SOX6: variants seen among roughly 807,000 people sequenced by gnomAD.
The protein encoded by SOX6 is SRY-box transcription factor 6, also known as transcription factor SOX-6.
A neutral mutation model predicts 97.8 loss-of-function variants in SOX6; 11 were observed. The observed-to-expected ratio is 0.11, with a 90% CI of 0.07 to 0.19. The LOEUF is 0.19. Among genes scored for constraint, SOX6 ranks in the 10% least tolerant of loss-of-function variants. SOX6 has a pLI of 1.00. For missense variants in SOX6, 810 were observed against 1,039.5 expected, an observed-to-expected ratio of 0.78 and a Z score of 3.04; for synonymous variants, 360 against 371.4, an observed-to-expected ratio of 0.97 and a Z score of 0.35.
intron 3 of SOX6, among the ~76,000 whole-genome samples, chr11:16,260,944 C>T (rs1169742742): frequency 6.6e-6 from 1 of 152,138 alleles, no homozygotes; most frequent in East Asian, 1.9e-4. Context: ...CTGCTATCTG[C>T]TATATTCCTT....
chr11:16,406,213 C>T (rs1858684476), intron 1 of SOX6, among the ~76,000 whole-genome samples: 1 of 152,014 alleles, frequency 6.6e-6, no homozygotes, highest in East Asian at 1.9e-4. Context: ...GAAATATTGT[C>T]ATTGGAACAA....
At chr11:16,006,315 C>T (rs1418568371) in intron 13 of SOX6, among the ~76,000 whole-genome samples, 1 of 152,030 alleles carries the variant, frequency 6.6e-6, no homozygotes, top group Admixed American at 6.6e-5. Context: ...AAGGTTAATG[C>T]ATATTTATTT....
intron 3 of SOX6, among the ~76,000 whole-genome samples, chr11:16,627,268 G>A (rs1397107094): frequency 1.3e-5 from 2 of 152,180 alleles, no homozygotes; most frequent in Non-Finnish European, 2.9e-5. Context: ...ATTGTGAACA[G>A]TGCTACAGTG....
intron 4 of SOX6, among the ~76,000 whole-genome samples, chr11:16,561,697 G>C (rs73417131): frequency 6.6e-6 from 1 of 151,994 alleles, no homozygotes; most frequent in Non-Finnish European, 1.5e-5. Flanking sequence ...ACTCTTTCAG[G>C]GGTCTAATTT....
chr11:16,275,917 T>G (rs1197214268), intron 3 of SOX6, among the ~76,000 whole-genome samples: 1 of 152,190 alleles, frequency 6.6e-6, no homozygotes, highest in East Asian at 1.9e-4. Context: ...CTGGGAGACT[T>G]TTCTTCTCTT....
intron 12 of SOX6, among the ~76,000 whole-genome samples, chr11:16,032,537 C>T (rs1161071957): frequency 1.3e-5 from 2 of 152,110 alleles, no homozygotes; most frequent in Admixed American, 1.3e-4. Context: ...AATTGTGTAA[C>T]AGATTGACTG....
chr11:16,492,801 T>C (rs1306293245), intron 4 of SOX6, among the ~76,000 whole-genome samples: 2 of 152,116 alleles, frequency 1.3e-5, no homozygotes, highest in Admixed American at 6.5e-5. Flanking sequence ...AGAAATTGAA[T>C]AGAAAAATGG....
intron 15 of SOX6, among the ~76,000 whole-genome samples, chr11:15,974,378 CTTTTT>C (rs35597667): frequency 1.5e-3 from 126 of 85,688 alleles, no homozygotes; most frequent in African/African-American, 6.0e-3. Flanking sequence ...TTAGCTCTCT[CTTTTT>C]TTTTTTTTTT....
In SOX6 at chr11:16,684,512, T is replaced by G. The variant is rs571427068; in HGVS notation, n.429+30318A>C. Reference sequence around the variant, plus strand: ...ACCAAACACTGCATGTTCTCACTCATAGGTGGGAGCTGAACAATAAGAACA... The same window carrying G: ...ACCAAACACTGCATGTTCTCACTCAGAGGTGGGAGCTGAACAATAAGAACA... On this transcript the variant is annotated intron_variant and non_coding_transcript_variant, in intron 3 of 5. Transcript: ENST00000524520. Among the ~76,000 whole-genome samples the G allele has an allele frequency of 5.4e-5, 8 of 146,912 alleles. No individual in the cohort carries two copies. In the South Asian group the frequency reaches 1.7e-3, roughly 31 times the overall value.
chr11:16,687,061 G>A (rs142150609), intron 3 of SOX6, among the ~76,000 whole-genome samples: 84 of 152,318 alleles, frequency 5.5e-4, no homozygotes, highest in Non-Finnish European at 8.5e-4. Flanking sequence ...AGAGGCAGAA[G>A]TTGCAGTGAG....
chr11:16,691,556 C>T (rs950160263), intron 3 of SOX6, among the ~76,000 whole-genome samples: 3 of 152,164 alleles, frequency 2.0e-5, no homozygotes, highest in Middle Eastern at 3.4e-3. Flanking sequence ...CCAGCATTTT[C>T]GAGGCTGATG....
intron 12 of SOX6, among the ~76,000 whole-genome samples, chr11:16,038,352 G>A (rs982291176): frequency 4.6e-5 from 7 of 152,028 alleles, no homozygotes; most frequent in South Asian, 2.1e-4. Context: ...CTCAGATGGA[G>A]ATGTTAGGGC....
intron 3 of SOX6, among the ~76,000 whole-genome samples, chr11:16,640,369 CTCTT>C (rs1848888534): frequency 6.6e-6 from 1 of 152,138 alleles, no homozygotes; most frequent in African/African-American, 2.4e-5. Context: ...GTCTAAAATT[CTCTT>C]TTTTTGTTGT....
intron 4 of SOX6, among the ~76,000 whole-genome samples, chr11:16,221,992 T>C (rs943033924): frequency 6.6e-6 from 1 of 152,102 alleles, no homozygotes; most frequent in Non-Finnish European, 1.5e-5. Context: ...TGGTGAAGTA[T>C]CAAAGAAGAA....
At chr11:16,317,576 T>C (rs1239873659) in intron 3 of SOX6, 3 of 155,296 alleles carry the variant, frequency 1.9e-5, no homozygotes, top group East Asian at 1.9e-4. Context: ...GAAAGACTTC[T>C]ACGAAAATTA....
At chr11:15,981,208 G>A (rs1038229912) in intron 15 of SOX6, among the ~76,000 whole-genome samples, 8 of 152,010 alleles carry the variant, frequency 5.3e-5, no homozygotes, top group Non-Finnish European at 7.4e-5. Flanking sequence ...TAGCTGGCAG[G>A]TATTGGGCTT....
At chr11:16,560,501 TTATA>T (rs1160506623) in intron 4 of SOX6, among the ~76,000 whole-genome samples, 101 of 144,350 alleles carry the variant, frequency 7.0e-4, no homozygotes, top group African/African-American at 2.2e-3. Flanking sequence ...ACATATATGT[TTATA>T]CGTACATATA....
chr11:16,597,238 G>A (rs1381144657), intron 4 of SOX6, among the ~76,000 whole-genome samples: 5 of 151,822 alleles, frequency 3.3e-5, no homozygotes, highest in Non-Finnish European at 7.4e-5. Flanking sequence ...TTCTTGTACT[G>A]ATCATATAAC....
At chr11:16,163,434 CAT>C (rs973813513) in intron 6 of SOX6, among the ~76,000 whole-genome samples, 7 of 152,050 alleles carry the variant, frequency 4.6e-5, no homozygotes, top group African/African-American at 9.7e-5. Context: ...AGAAAATAAA[CAT>C]GTGGAAAGGA....
Sources: allele counts gnomAD v4.1 joint callset (sites outside exome capture counted in the v4.1 genomes callset), GRCh38; gene constraint gnomAD v4.1.1; transcripts MANE v1.5; gene names NCBI Gene and HGNC (gene_info 2026-07-23, HGNC 2026-07-21).